Variants in AGT observed in about 807,000 individuals in gnomAD.
AGT encodes angiotensinogen.
AGT carries 26 observed loss-of-function variants against 28.1 expected under a neutral mutation model. That is an observed-to-expected ratio of 0.92 (90% confidence interval 0.68 to 1.28). The LOEUF (loss-of-function observed/expected upper bound fraction) is 1.28, where lower values mean the gene tolerates loss of function less well. Ranked by LOEUF, AGT falls within the 50% of genes most tolerant of loss-of-function variation. The pLI, the probability that AGT is intolerant of heterozygous loss-of-function variation, is 0.00. For synonymous variants in AGT, 259 were observed against 259.6 expected (o/e 1.00, Z 0.02); for missense variants, 596 against 592.3 (o/e 1.01, Z -0.06).
chr1:230,735,552 G>A (rs1664140601), intron 1 of AGT, among the ~76,000 whole-genome samples: 1 of 152,032 alleles, frequency 6.6e-6, no homozygotes, highest in Admixed American at 6.6e-5. Flanking sequence ...GAGGAGGCCT[G>A]CCCCTGGTCT....
At chr1:230,726,865 A>C (rs184760293) in intron 1 of AGT, among the ~76,000 whole-genome samples, 1 of 152,178 alleles carries the variant, frequency 6.6e-6, no homozygotes, top group Non-Finnish European at 1.5e-5. Flanking sequence ...TGTCTCCCCA[A>C]CCATTTGCTT....
Position 230,710,262 on chromosome 1 carries a change from C to G in AGT, c.562G>C (p.Ala188Pro). The change falls in exon 2 of 5, where the codon GCT becomes CCT. Residue 188 changes from alanine (A) to proline (P), a missense_variant. Physicochemically the swap from Ala to Pro is conservative, Grantham distance 27. Transcript: ENST00000366667. Reference sequence around the variant, plus strand: ...AGCAGCAGCTGGGCCTGGCTATCAGCCCTGCCCTGGGCCACTAGCAGGCCC... The same window carrying G: ...AGCAGCAGCTGGGCCTGGCTATCAGGCCTGCCCTGGGCCACTAGCAGGCCC... ...VQGLLVAQGR[A>P]DSQAQLLLST... 6.2e-7 allele frequency: 1 copy of G among 1,613,782 alleles called. No individual in the cohort carries two copies. The highest frequency in any genetic ancestry group is 8.5e-7 in the Non-Finnish European group (1 of 1,180,012).
chr1:230,733,279 G>A (rs35837081), intron 1 of AGT, among the ~76,000 whole-genome samples: 17,204 of 150,738 alleles, frequency 0.11, 1,087 homozygotes, highest in South Asian at 0.14. Context: ...TCTAAACTCC[G>A]TCTCAAAAAC....
At chr1:230,718,977 C>T (rs527820713), upstream of AGT, among the ~76,000 whole-genome samples, 1 of 152,312 alleles carries the variant, frequency 6.6e-6, no homozygotes, top group East Asian at 1.9e-4. Flanking sequence ...GATCTGCCCA[C>T]CTCAGCCTCC....
upstream of AGT, among the ~76,000 whole-genome samples, chr1:230,719,419 T>TATTATG (rs373330851): frequency 0.07 from 6,664 of 94,622 alleles, 399 homozygotes; most frequent in African/African-American, 0.21. Context: ...TTTTTTTTTT[T>TATTATG]TTTTTTGAGA....
At chr1:230,735,149 C>T (rs1664135703) in intron 1 of AGT, among the ~76,000 whole-genome samples, 1 of 152,156 alleles carries the variant, frequency 6.6e-6, no homozygotes, top group South Asian at 2.1e-4. Context: ...TGCAGGAGAA[C>T]ATTGTCAACA....
chr1:230,705,816 G>A (rs900292240), intron 3 of AGT, 117 bp downstream of exon 3: 1 of 1,392,426 alleles, frequency 7.2e-7, no homozygotes, highest in Non-Finnish European at 1.0e-6. Flanking sequence ...TGCCACCGCG[G>A]CCCTGCCCTG....
chr1:230,736,609 C>T (rs6662726), intron 1 of AGT, among the ~76,000 whole-genome samples: 28,521 of 152,108 alleles, frequency 0.19, 3,330 homozygotes, highest in African/African-American at 0.33. Context: ...TAAATGGGAA[C>T]GGAGCAAGGA....
Position 230,703,021 on chromosome 1 carries a change from A to T in AGT, c.*120T>A. 1 of 1,132,950 alleles carries T rather than the reference A, an allele frequency of 8.8e-7. No individual in the cohort carries two copies. The highest frequency in any genetic ancestry group is 1.3e-6 in the Non-Finnish European group (1 of 796,922). 70.2% of individuals were successfully genotyped at this position (1,132,950 alleles called of 1,614,324 possible). On this transcript the variant is annotated 3_prime_UTR_variant, in exon 5 of 5. Coordinates refer to ENST00000366667, the MANE Select transcript of AGT (RefSeq NM_001384479.1). The stretch of plus-strand genomic sequence containing the variant: ...CTCAAAGTCGACTCATTAGAAGAAA[A>T]GGTGGGAGACTGGGGGTGACACATC...
intron 1 of AGT, among the ~76,000 whole-genome samples, chr1:230,741,448 C>T (rs1054095969): frequency 6.6e-6 from 1 of 152,236 alleles, no homozygotes. Flanking sequence ...ACTGGCATCA[C>T]CCTGTGGAGC....
At position 230,710,393 on chromosome 1, in the gene AGT, T is replaced by C. The variant is rs1394506752; in HGVS notation, c.431A>G (p.His144Arg). 1 of 1,614,200 alleles carries C rather than the reference T, an allele frequency of 6.2e-7. No homozygotes were observed. The highest frequency in any genetic ancestry group is 1.1e-5 in the South Asian group (1 of 91,082). Reference protein sequence around the residue: ...LASLYLGALDHTADRLQAILG... With the variant: ...LASLYLGALDRTADRLQAILG... Reference sequence around the variant, plus strand: ...GATTGCCTGTAGCCTGTCAGCTGTGTGGTCCAAGGCTCCCAGATAGAGAGA... The same window carrying C: ...GATTGCCTGTAGCCTGTCAGCTGTGCGGTCCAAGGCTCCCAGATAGAGAGA... The change falls in exon 2 of 5, where the codon CAC becomes CGC. Residue 144 changes from histidine (H) to arginine (R), a missense_variant. His to Arg is a conservative substitution (Grantham distance 29, BLOSUM62 0). Transcript: ENST00000366667.
At chr1:230,711,222 C>T (rs1315136660) in intron 1 of AGT, among the ~76,000 whole-genome samples, 3 of 151,922 alleles carry the variant, frequency 2.0e-5, no homozygotes, top group Non-Finnish European at 4.4e-5. Flanking sequence ...GACCTGTGTC[C>T]TTATGAGAAG....
intron 2 of AGT, among the ~76,000 whole-genome samples, chr1:230,709,491 C>G (rs1270904494): frequency 6.6e-6 from 1 of 151,980 alleles, no homozygotes; most frequent in Non-Finnish European, 1.5e-5. Context: ...CAGTAATGCC[C>G]CTCCTAACAT....
intron 1 of AGT, among the ~76,000 whole-genome samples, chr1:230,711,058 G>C (rs1451406433): frequency 1.3e-5 from 2 of 152,306 alleles, no homozygotes; most frequent in East Asian, 3.9e-4. Context: ...ACCAATATCA[G>C]CTGAATTATG....
intron 1 of AGT, among the ~76,000 whole-genome samples, chr1:230,732,848 A>C (rs1664091095): frequency 6.6e-6 from 1 of 152,194 alleles, no homozygotes; most frequent in Non-Finnish European, 1.5e-5. Context: ...AAATCCAAGA[A>C]GTGGCCCCAC....
intron 2 of AGT, 57 bp from the exon 3 acceptor site, chr1:230,706,257 G>A: frequency 6.3e-7 from 1 of 1,588,378 alleles, no homozygotes; most frequent in Admixed American, 1.7e-5. Flanking sequence ...GGGCAGGAAT[G>A]AGGGCTGGCA....
intron 1 of AGT, among the ~76,000 whole-genome samples, chr1:230,713,361 G>A (rs1228030523): frequency 3.9e-5 from 6 of 152,130 alleles, no homozygotes; most frequent in East Asian, 3.9e-4. Context: ...CTTGTTCAAC[G>A]TCACACAGCT....
intron 2 of AGT, among the ~76,000 whole-genome samples, chr1:230,709,138 T>C (rs576917595): frequency 1.3e-5 from 2 of 152,358 alleles, no homozygotes; most frequent in East Asian, 1.9e-4. Context: ...CAGCTCCAAA[T>C]CCTAGGCATT....
At position 230,709,966 on chromosome 1, in the gene AGT, G is replaced by A. The variant is rs1473643545; in HGVS notation, c.829+29C>T. On this transcript the variant is annotated intron_variant, in intron 2 of 4. Transcript: ENST00000366667. The stretch of plus-strand genomic sequence containing the variant: ...TACACATTGGATACTAAGTCCTAGG[G>A]CCAGAGCCAGCAGAGAGGTTTGCCT... 9 of 1,613,890 alleles carry A rather than the reference G, an allele frequency of 5.6e-6. No individual in the cohort carries two copies. In the South Asian group the frequency reaches 9.9e-5, roughly 18 times the overall value.
Sources: allele counts gnomAD v4.1 joint callset (sites outside exome capture counted in the v4.1 genomes callset), GRCh38; gene constraint gnomAD v4.1.1; transcripts MANE v1.5; gene names NCBI Gene and HGNC (gene_info 2026-07-23, HGNC 2026-07-21).